The following EYA1 variants were observed in gnomAD, a reference collection of about 807,000 sequenced individuals.
The protein encoded by EYA1 is EYA transcriptional coactivator and phosphatase 1.
A neutral mutation model predicts 82.0 loss-of-function variants in EYA1; 16 were observed. That is an observed-to-expected ratio of 0.20 (90% CI 0.13 to 0.30). The LOEUF (loss-of-function observed/expected upper bound fraction) is 0.30, where lower values mean the gene tolerates loss of function less well. Among genes scored for constraint, EYA1 ranks in the 10% least tolerant of loss-of-function variants. EYA1 has a pLI of 1.00. For synonymous variants in EYA1, 261 were observed against 264.4 expected, an observed-to-expected ratio of 0.99 and a Z score of 0.12; for missense variants, 633 against 730.7, an observed-to-expected ratio of 0.87 and a Z score of 1.54.
intron 2 of EYA1, among the ~76,000 whole-genome samples, chr8:71,428,009 ATAAT>A (rs1805359866): frequency 6.6e-6 from 1 of 151,796 alleles, no homozygotes; most frequent in Non-Finnish European, 1.5e-5. Context: ...AATCAGTAAT[ATAAT>A]TAATATTTTC....
At chr8:71,281,884 A>T (rs1817850410) in intron 9 of EYA1, among the ~76,000 whole-genome samples, 1 of 152,256 alleles carries the variant, frequency 6.6e-6, no homozygotes, top group Non-Finnish European at 1.5e-5. Flanking sequence ...CAGAGCACCT[A>T]TGTGCCAGGC....
At position 71,246,433 on chromosome 8, in the gene EYA1, G is replaced by A. The variant is rs189927763; in HGVS notation, c.1051-1741C>T. Among the ~76,000 whole-genome samples the A allele has an allele frequency of 1.2e-3, 176 of 152,266 alleles. 1 individual carries two copies. Among genetic ancestry groups the A allele is most frequent in the African/African-American group, 4.0e-3 (168 of 41,560 alleles). On this transcript the variant is annotated intron_variant, in intron 11 of 17. Coordinates refer to ENST00000340726, the MANE Select transcript of EYA1 (RefSeq NM_000503.6). ...CAATCCAAAGAAAAGACTTTGATTC[G>A]ATACTGCCCAATGTCAACTTTGTAC...
intron 9 of EYA1, among the ~76,000 whole-genome samples, chr8:71,289,124 G>T (rs1024935708): frequency 6.6e-6 from 1 of 152,160 alleles, no homozygotes; most frequent in Non-Finnish European, 1.5e-5. Context: ...GATGCAAGGA[G>T]GTCCCTGGAA....
In EYA1 at chr8:71,408,189, A is replaced by G. The variant is rs913993886; in HGVS notation, c.34-51678T>C. On this transcript the variant is annotated intron_variant, in intron 2 of 18. Transcript: ENST00000643681. ...GCAAATGCTGAGAGATTTTGTCACC[A>G]CTAGGCCTGCCCTAAAAGAGCTCCT... Among the ~76,000 whole-genome samples the G allele has an allele frequency of 5.9e-5, 9 of 152,152 alleles. No individual in the cohort carries two copies. The South Asian group carries it at 1.9e-3, about 32-fold the overall frequency.
intron 2 of EYA1, among the ~76,000 whole-genome samples, chr8:71,474,829 G>T (rs1809522435): frequency 6.6e-6 from 1 of 152,110 alleles, no homozygotes; most frequent in Non-Finnish European, 1.5e-5. Flanking sequence ...ACTCTGCAAT[G>T]ACTATAAAGA....
intron 12 of EYA1, among the ~76,000 whole-genome samples, chr8:71,225,967 AAAGGT>A (rs1810506479): frequency 6.6e-6 from 1 of 152,226 alleles, no homozygotes; most frequent in African/African-American, 2.4e-5. Flanking sequence ...AAGTTTCAAC[AAAGGT>A]AAGGTATTAG....
chr8:71,313,884 T>G (rs988031906), intron 7 of EYA1, among the ~76,000 whole-genome samples: 10 of 152,242 alleles, frequency 6.6e-5, no homozygotes, highest in Admixed American at 2.0e-4. Flanking sequence ...CTTCAGTTTT[T>G]GGGGCTACTA....
intron 6 of EYA1, among the ~76,000 whole-genome samples, chr8:71,318,953 C>T (rs951061114): frequency 5.3e-5 from 8 of 152,036 alleles, no homozygotes; most frequent in African/African-American, 1.9e-4. Flanking sequence ...AATGAATAAC[C>T]CACACATAGA....
At chr8:71,488,789 T>C (rs903253819) in intron 2 of EYA1, among the ~76,000 whole-genome samples, 2 of 152,222 alleles carry the variant, frequency 1.3e-5, no homozygotes, top group African/African-American at 2.4e-5. Context: ...AGAACATTCA[T>C]GAGAATTAAC....
intron 3 of EYA1, among the ~76,000 whole-genome samples, chr8:71,341,045 T>C (rs1044463109): frequency 6.6e-6 from 1 of 152,214 alleles, no homozygotes; most frequent in African/African-American, 2.4e-5. Context: ...TTACAGGACA[T>C]GTGTCAGTTA....
intron 11 of EYA1, among the ~76,000 whole-genome samples, chr8:71,246,106 A>T (rs1813057052): frequency 6.6e-6 from 1 of 152,242 alleles, no homozygotes; most frequent in African/African-American, 2.4e-5. Flanking sequence ...ATGAAAGATA[A>T]CATTTCCAGG....
intron 7 of EYA1, among the ~76,000 whole-genome samples, chr8:71,314,274 T>C (rs912035974): frequency 6.6e-6 from 1 of 152,138 alleles, no homozygotes; most frequent in Non-Finnish European, 1.5e-5. Context: ...ACAAAATCAT[T>C]GAATAATGAG....
intron 2 of EYA1, among the ~76,000 whole-genome samples, chr8:71,401,293 A>T (rs866330776): frequency 9.8e-5 from 15 of 152,338 alleles, no homozygotes; most frequent in Middle Eastern, 3.4e-3. Flanking sequence ...CTTAAAATAA[A>T]TTTTTTAAAA....
At chr8:71,470,792 T>C in intron 2 of EYA1, 2 of 444,940 alleles carry the variant, frequency 4.5e-6, no homozygotes, top group Non-Finnish European at 8.9e-6. Context: ...GGCTAAAAGA[T>C]GTATGTAGCA....
chr8:71,216,651 G>A (rs751849951), intron 14 of EYA1, 41 bp downstream of exon 14: 30 of 1,599,248 alleles, frequency 1.9e-5, no homozygotes, highest in Admixed American at 5.0e-5. Flanking sequence ...ATTGTATCTG[G>A]ACTGTCTTAA....
intron 2 of EYA1, among the ~76,000 whole-genome samples, chr8:71,522,982 T>C (rs893038459): frequency 6.6e-6 from 1 of 152,180 alleles, no homozygotes; most frequent in African/African-American, 2.4e-5. Flanking sequence ...ATTTTCATTT[T>C]GTAGCAAAAT....
At chr8:71,473,001 ACTCTCAATGTGT>A (rs1362292674) in intron 2 of EYA1, among the ~76,000 whole-genome samples, 1 of 151,868 alleles carries the variant, frequency 6.6e-6, no homozygotes, top group Non-Finnish European at 1.5e-5. Context: ...TTCAAAACAC[ACTCTCAATGTGT>A]TATGACTTAG....
intron 2 of EYA1, among the ~76,000 whole-genome samples, chr8:71,492,595 G>T (rs1288070518): frequency 6.6e-6 from 1 of 151,754 alleles, no homozygotes; most frequent in Non-Finnish European, 1.5e-5. Context: ...CTCCCCAGTA[G>T]CTCGGACTAC....
At chr8:71,329,619 G>A (rs866364295) in intron 4 of EYA1, among the ~76,000 whole-genome samples, 11 of 152,034 alleles carry the variant, frequency 7.2e-5, no homozygotes, top group African/African-American at 1.5e-4. Flanking sequence ...GAGTCACTTC[G>A]GAGGAAAAAG....
Sources: gnomAD v4.1 joint callset for allele counts (sites outside exome capture counted in the v4.1 genomes callset) on GRCh38, gnomAD v4.1.1 for gene constraint, MANE v1.5 for transcripts, NCBI Gene and HGNC (gene_info 2026-07-23, HGNC 2026-07-21) for gene names.